Variants in C12orf75 observed in about 807,000 individuals in gnomAD.
C12orf75 encodes overexpressed in colon carcinoma 1 protein.
C12orf75 carries 4 observed loss-of-function variants against 11.4 expected under a neutral mutation model. The observed-to-expected ratio is 0.35, with a 90% confidence interval of 0.17 to 0.80. C12orf75 has a LOEUF of 0.80. Ranked by LOEUF, C12orf75 falls within the 30% of genes least tolerant of loss-of-function variation. The pLI, the probability that C12orf75 is intolerant of heterozygous loss-of-function variation, is 0.52. For missense variants in C12orf75, 89 were observed against 80.4 expected, an observed-to-expected ratio of 1.11 and a Z score of -0.41; for synonymous variants, 30 against 30.0, an observed-to-expected ratio of 1.00 and a Z score of 0.00.
chr12:105,367,956 C>A (rs1358569885), intron 5 of C12orf75, among the ~76,000 whole-genome samples: 1 of 152,092 alleles, frequency 6.6e-6, no homozygotes. Context: ...GATGGGCAAT[C>A]GGTCAATTAA....
Position 105,370,616 on chromosome 12 carries a change from C to A in C12orf75, c.*34-18C>A, listed in dbSNP as rs1383658004. ...ACCTGTTTGCTCACTCTTTTCTCCT[C>A]TTCTGTTGTCTCCTTAGCTTGCTCA... is the stretch of plus-strand genomic sequence containing the variant. On this transcript the variant is annotated intron_variant, in intron 5 of 5. Coordinates refer to ENST00000443585, the MANE Select transcript of C12orf75 (RefSeq NM_001145199.2). 4.4e-6 allele frequency: 2 copies of A among 457,612 alleles called. No individual in the cohort carries two copies. Among genetic ancestry groups the A allele is most frequent in the Admixed American group, 2.3e-5 (1 of 42,578 alleles). 28.3% of individuals were successfully genotyped at this position (457,612 alleles called of 1,614,324 possible).
intron 1 of C12orf75, among the ~76,000 whole-genome samples, chr12:105,345,254 T>C (rs1421523971): frequency 6.6e-6 from 1 of 152,072 alleles, no homozygotes; most frequent in Non-Finnish European, 1.5e-5. Flanking sequence ...TTTGGGAAGC[T>C]GAGGTGATTG....
chr12:105,361,060 G>GCC (rs1226626006), intron 2 of C12orf75, among the ~76,000 whole-genome samples: 1 of 152,098 alleles, frequency 6.6e-6, no homozygotes, highest in Admixed American at 6.5e-5. Flanking sequence ...AAAGGTGTGA[G>GCC]CCACCGCGCC....
At chr12:105,345,033 T>A (rs1892621120) in intron 1 of C12orf75, among the ~76,000 whole-genome samples, 1 of 146,454 alleles carries the variant, frequency 6.8e-6, no homozygotes, top group South Asian at 2.2e-4. Flanking sequence ...CCTGCAAAAC[T>A]AGGTCAGGCC....
At chr12:105,334,704 C>G (rs1795821483) in intron 1 of C12orf75, among the ~76,000 whole-genome samples, 1 of 152,220 alleles carries the variant, frequency 6.6e-6, no homozygotes, top group Non-Finnish European at 1.5e-5. Flanking sequence ...CTCGCTCACT[C>G]TCACTCTTTC....
At chr12:105,366,973 T>G (rs1445192070) in intron 4 of C12orf75, among the ~76,000 whole-genome samples, 3 of 152,344 alleles carry the variant, frequency 2.0e-5, no homozygotes, top group African/African-American at 7.2e-5. Flanking sequence ...AAATGAAAGC[T>G]AATATTTATG....
intron 3 of C12orf75, chr12:105,366,104 C>T (rs61601730): frequency 0.015 from 6,598 of 448,148 alleles, 393 homozygotes; most frequent in African/African-American, 0.12. Flanking sequence ...TGCTCTTCTC[C>T]CTAACTGGAT....
In C12orf75 at chr12:105,345,659, C is replaced by CTTTTTTTTTTTT. The variant is rs771376717; in HGVS notation, c.47-2934_47-2923dup. ...TCCTGATCTTGAATTAGTGTCTGGC[C>CTTTTTTTTTTTT]TTTTTTTTTTTTTTTTTTTTGAGAC... On this transcript the variant is annotated intron_variant, in intron 1 of 5. Transcript: ENST00000443585. Among the ~76,000 whole-genome samples, 41 of 73,498 alleles carry CTTTTTTTTTTTT rather than the reference C, an allele frequency of 5.6e-4. 9 individuals carry two copies. The highest frequency in any genetic ancestry group is 2.2e-3 in the East Asian group (4 of 1,804). 48.2% of individuals were successfully genotyped at this position (73,498 alleles called of 152,430 possible). A position where few individuals can be genotyped will look rare whatever the true frequency, so the allele number is the denominator to read the frequency against.
chr12:105,369,336 G>A (rs956176698), intron 5 of C12orf75, among the ~76,000 whole-genome samples: 1 of 152,110 alleles, frequency 6.6e-6, no homozygotes, highest in Non-Finnish European at 1.5e-5. Flanking sequence ...ACTGTTCATG[G>A]CTGTAAATTT....
At chr12:105,341,382 G>A (rs1892571229) in intron 1 of C12orf75, among the ~76,000 whole-genome samples, 2 of 151,994 alleles carry the variant, frequency 1.3e-5, no homozygotes, top group Admixed American at 1.3e-4. Context: ...AACACTACCT[G>A]GAGTTAGTGT....
chr12:105,366,625 G>A lies in C12orf75; in HGVS notation c.116G>A (p.Gly39Glu). Reference protein sequence around the residue: ...VTEDDKRRNYGGVYVGLPSEA... With the variant: ...VTEDDKRRNYEGVYVGLPSEA... Reference sequence around the variant, plus strand: ...GATTTCTTTTTATCAAGAAACTATGGAGGAGTATATGTTGGCCTACCATCT... The same window carrying A: ...GATTTCTTTTTATCAAGAAACTATGAAGGAGTATATGTTGGCCTACCATCT... The change falls in exon 4 of 6, where the codon GGA (glycine) becomes GAA (glutamate). Residue 39 changes from glycine to glutamate, a missense_variant. Transcript: ENST00000443585. The A allele has an allele frequency of 6.6e-7, 1 of 1,520,260 alleles. No individual in the cohort carries two copies. The highest frequency in any genetic ancestry group is 1.2e-5 in the South Asian group (1 of 82,890). 94.2% of individuals were successfully genotyped at this position (1,520,260 alleles called of 1,614,324 possible). A position where few individuals can be genotyped will look rare whatever the true frequency, so the allele number is the denominator to read the frequency against.
At chr12:105,353,328 C>A (rs1892737542) in intron 2 of C12orf75, among the ~76,000 whole-genome samples, 1 of 152,212 alleles carries the variant, frequency 6.6e-6, no homozygotes, top group South Asian at 2.1e-4. Flanking sequence ...TGGAAAAAAG[C>A]AGCTTCTTTT....
intron 1 of C12orf75, among the ~76,000 whole-genome samples, chr12:105,334,684 C>G (rs747582811): frequency 4.6e-5 from 7 of 152,144 alleles, no homozygotes; most frequent in Admixed American, 2.6e-4. Context: ...AGGCAGGGAG[C>G]TTTTGCACTC....
intron 2 of C12orf75, among the ~76,000 whole-genome samples, chr12:105,361,996 C>G (rs1892872854): frequency 6.6e-6 from 1 of 152,204 alleles, no homozygotes; most frequent in African/African-American, 2.4e-5. Flanking sequence ...TTGATGGTCC[C>G]TGGCAGCAGT....
At chr12:105,361,375 T>TTGAA (rs1390345334) in intron 2 of C12orf75, among the ~76,000 whole-genome samples, 2 of 152,190 alleles carry the variant, frequency 1.3e-5, no homozygotes, top group African/African-American at 4.8e-5. Context: ...AGCTGGGGCA[T>TTGAA]TATTCAACAC....
intron 2 of C12orf75, among the ~76,000 whole-genome samples, chr12:105,361,146 G>A (rs916731259): frequency 1.3e-5 from 2 of 151,936 alleles, no homozygotes; most frequent in East Asian, 1.9e-4. Flanking sequence ...TCCTCCCACC[G>A]CCACCTCCTG....
At chr12:105,338,991 A>G (rs1892532435) in intron 1 of C12orf75, among the ~76,000 whole-genome samples, 1 of 152,236 alleles carries the variant, frequency 6.6e-6, no homozygotes, top group African/African-American at 2.4e-5. Context: ...ATGTCAATAT[A>G]TAATTTTATA....
intron 5 of C12orf75, 110 bp from the exon 6 acceptor site, chr12:105,370,524 T>G (rs1209240251): frequency 6.7e-6 from 3 of 449,888 alleles, no homozygotes; most frequent in Non-Finnish European, 1.3e-5. Flanking sequence ...ATTAAATAGG[T>G]GTTTTACTTA....
chr12:105,348,439 A>G (rs573848031), intron 1 of C12orf75, among the ~76,000 whole-genome samples, 163 bp from the exon 2 acceptor site: 41 of 144,484 alleles, frequency 2.8e-4, no homozygotes, highest in African/African-American at 1.1e-3. Flanking sequence ...AAAAAAAAAG[A>G]TTTGAATTTT....
Sources: allele counts gnomAD v4.1 joint callset (sites outside exome capture counted in the v4.1 genomes callset), GRCh38; gene constraint gnomAD v4.1.1; transcripts MANE v1.5; gene names NCBI Gene and HGNC (gene_info 2026-07-23, HGNC 2026-07-21).